Variants in EFNB2 observed in about 807,000 individuals in gnomAD.
The protein encoded by EFNB2 is ephrin B2.
EFNB2 carries 5 observed loss-of-function variants against 32.1 expected under a neutral mutation model. That is an observed-to-expected ratio of 0.16 (90% CI 0.08 to 0.33). The LOEUF is 0.33. EFNB2 is among the 10% of genes least tolerant of loss of function. The pLI, the probability that EFNB2 is intolerant of heterozygous loss-of-function variation, is 1.00. For missense variants in EFNB2, 263 were observed against 422.6 expected (o/e 0.62, Z 3.31); for synonymous variants, 168 against 166.5 (o/e 1.01, Z -0.07).
Position 106,512,829 on chromosome 13 carries a change from A to G in EFNB2, c.123-17T>C. The G allele has an allele frequency of 1.3e-6, 2 of 1,547,650 alleles. No individual in the cohort carries two copies. Among genetic ancestry groups the G allele is most frequent in the Non-Finnish European group, 1.7e-6 (2 of 1,147,926 alleles). On this transcript the variant is annotated splice_polypyrimidine_tract_variant and intron_variant, in intron 1 of 4. Transcript: ENST00000646441. ...GGTAGAAATCTAAAAGCATAAGAAA[A>G]AAAAGCCATTGAGTTGATAAAAATT...
chr13:106,529,096 A>C (rs1225700831), intron 1 of EFNB2, among the ~76,000 whole-genome samples: 2 of 152,184 alleles, frequency 1.3e-5, no homozygotes, highest in Admixed American at 6.5e-5. Flanking sequence ...AACTCACAGA[A>C]GAGCTCTGTG....
intron 2 of EFNB2, among the ~76,000 whole-genome samples, chr13:106,511,136 A>G (rs1879129694): frequency 6.6e-6 from 1 of 152,214 alleles, no homozygotes; most frequent in African/African-American, 2.4e-5. Context: ...ACTATGCTGC[A>G]TACTTGGCCA....
intron 1 of EFNB2, among the ~76,000 whole-genome samples, chr13:106,528,206 C>T (rs995244544): frequency 1.3e-5 from 2 of 152,264 alleles, no homozygotes; most frequent in Admixed American, 6.5e-5. Context: ...GTAACAGGCA[C>T]TGGATATGGC....
intron 1 of EFNB2, among the ~76,000 whole-genome samples, chr13:106,527,015 C>A (rs2138942297): frequency 6.6e-6 from 1 of 152,220 alleles, no homozygotes; most frequent in South Asian, 2.1e-4. Flanking sequence ...TCCACCCCTG[C>A]CAAAAATGCT....
In EFNB2 at chr13:106,535,462, G is replaced by C. The variant is rs952740482; in HGVS notation, c.-498C>G. The C allele has an allele frequency of 6.7e-6, 1 of 150,234 alleles. No homozygotes were observed. The highest frequency in any genetic ancestry group is 1.5e-5 in the Non-Finnish European group (1 of 67,426). The allele number at this position is 150,234 out of a possible 1,614,324, so 9.3% of individuals were successfully genotyped here. A position where few individuals can be genotyped will look rare whatever the true frequency, so the allele number is the denominator to read the frequency against. ...GGTTCCATGTCCCGGAGCACGGAGC[G>C]GAGTAGGGCGCCTCCGGGCGCGCAG... On this transcript the variant is annotated 5_prime_UTR_variant, in exon 1 of 5. Transcript: ENST00000646441.
intron 2 of EFNB2, among the ~76,000 whole-genome samples, chr13:106,507,403 C>A (rs1016617258): frequency 1.3e-5 from 2 of 152,100 alleles, no homozygotes; most frequent in Admixed American, 1.3e-4. Flanking sequence ...CAAACCTACA[C>A]CCCAGAAATA....
chr13:106,529,012 T>C (rs1879790817), intron 1 of EFNB2, among the ~76,000 whole-genome samples: 1 of 152,210 alleles, frequency 6.6e-6, no homozygotes, highest in Non-Finnish European at 1.5e-5. Context: ...ACTACTCATT[T>C]GAATTAAAAC....
chr13:106,497,406 A>G (rs1878626001), intron 2 of EFNB2, among the ~76,000 whole-genome samples: 1 of 151,938 alleles, frequency 6.6e-6, no homozygotes, highest in East Asian at 1.9e-4. Flanking sequence ...AGCAGACAGT[A>G]TCTGTTTGTA....
intron 1 of EFNB2, chr13:106,521,480 G>T (rs1278822947): frequency 6.6e-6 from 1 of 152,188 alleles, no homozygotes; most frequent in Non-Finnish European, 1.5e-5. Context: ...AGGGCCCCCA[G>T]TTCCTGGCCC....
At position 106,490,863 on chromosome 13, in the gene EFNB2, T is replaced by C. The variant is rs1001428699; in HGVS notation, c.*2177A>G. 6.6e-6 allele frequency: 1 copy of C among 152,410 alleles called. No homozygotes were observed. Among genetic ancestry groups the C allele is most frequent in the African/African-American group, 2.4e-5 (1 of 41,366 alleles). The allele number at this position is 152,410 out of a possible 1,614,324, so 9.4% of individuals were successfully genotyped here. A position where few individuals can be genotyped will look rare whatever the true frequency, so the allele number is the denominator to read the frequency against. On this transcript the variant is annotated 3_prime_UTR_variant, in exon 5 of 5. Coordinates refer to ENST00000646441, the MANE Select transcript of EFNB2 (RefSeq NM_004093.4). ...CAACATCATTTCCAGGTTCAGGAAA[T>C]AGAGGATCATAATTTCTGTGACAAC...
In EFNB2 at chr13:106,512,599, G is replaced by A; in HGVS notation, c.336C>T (p.Ile112=). 1.2e-6 allele frequency: 2 copies of A among 1,613,816 alleles called. No individual in the cohort carries two copies. Among genetic ancestry groups the A allele is most frequent in the South Asian group, 2.2e-5 (2 of 91,058 alleles). The change falls in exon 2 of 5, where the codon ATC becomes ATT. Residue 112 remains isoleucine (I), a synonymous_variant. Transcript: ENST00000646441. ...GGTTAGGGCTGAATTCTTGAAACTT[G>A]ATGGTGAATTTGATATCTTGGTCTG... ...AKPDQDIKFT[I]KFQEFSPNLW...
At chr13:106,501,503 C>T (rs1307278242) in intron 2 of EFNB2, among the ~76,000 whole-genome samples, 1 of 152,168 alleles carries the variant, frequency 6.6e-6, no homozygotes, top group Non-Finnish European at 1.5e-5. Flanking sequence ...TCCTATAATA[C>T]CAAATTTGCC....
chr13:106,495,039 A>G (rs1878542822), intron 3 of EFNB2, 45 bp from the exon 4 acceptor site: 1 of 1,487,398 alleles, frequency 6.7e-7, no homozygotes, highest in Admixed American at 1.7e-5. Flanking sequence ...ACATCTGACA[A>G]TATCTAGCTT....
chr13:106,510,742 G>A lies in EFNB2; in HGVS notation c.406+1787C>T, dbSNP rs185009921. On this transcript the variant is annotated intron_variant, in intron 2 of 4. Coordinates refer to ENST00000646441, the MANE Select transcript of EFNB2 (RefSeq NM_004093.4). ...AAAAGTCTTTACTAAGGCCAGGCGC[G>A]GTGGCTCACGCCTGGAATCCCAGTA... is the stretch of plus-strand genomic sequence containing the variant. Among the ~76,000 whole-genome samples, 225 of 151,178 alleles carry A rather than the reference G, an allele frequency of 1.5e-3. 4 individuals carry two copies. The highest frequency in any genetic ancestry group is 5.1e-3 in the African/African-American group (206 of 40,488).
Position 106,531,944 on chromosome 13 carries a change from T to A in EFNB2, c.122+2899A>T, listed in dbSNP as rs149413822. Among the ~76,000 whole-genome samples the A allele has an allele frequency of 7.1e-3, 1,078 of 151,794 alleles. 17 individuals carry two copies. Among genetic ancestry groups the A allele is most frequent in the African/African-American group, 0.024 (1,009 of 41,366 alleles). ...CATTAAAGTAAAATTAATTTTTTTT[T>A]AAAAAAGAGCCCACTACTTTACTTA... On this transcript the variant is annotated intron_variant, in intron 1 of 4. Coordinates refer to ENST00000646441, the MANE Select transcript of EFNB2 (RefSeq NM_004093.4).
At chr13:106,499,737 T>C (rs989590290) in intron 2 of EFNB2, among the ~76,000 whole-genome samples, 3 of 152,240 alleles carry the variant, frequency 2.0e-5, no homozygotes, top group Non-Finnish European at 4.4e-5. Context: ...ACTTTACAAA[T>C]TTAAAAATTA....
At chr13:106,498,821 C>A (rs1307350055) in intron 2 of EFNB2, among the ~76,000 whole-genome samples, 1 of 152,190 alleles carries the variant, frequency 6.6e-6, no homozygotes, top group Non-Finnish European at 1.5e-5. Flanking sequence ...GTGGGCTGAA[C>A]AGTCTGAATG....
At chr13:106,517,795 G>C (rs1327559615) in intron 1 of EFNB2, 1 of 152,108 alleles carries the variant, frequency 6.6e-6, no homozygotes, top group Non-Finnish European at 1.5e-5. Context: ...ACTCAAGTAG[G>C]GCTTCCAAAC....
intron 1 of EFNB2, chr13:106,521,116 C>T (rs111297159): frequency 6.6e-6 from 1 of 151,248 alleles, no homozygotes; most frequent in Non-Finnish European, 1.5e-5. Context: ...AAACAAATAT[C>T]GTCTGCAACA....
Sources: allele counts gnomAD v4.1 joint callset (sites outside exome capture counted in the v4.1 genomes callset), GRCh38; gene constraint gnomAD v4.1.1; transcripts MANE v1.5; gene names NCBI Gene and HGNC (gene_info 2026-07-23, HGNC 2026-07-21).